Variants in SV2B observed in about 807,000 individuals in gnomAD.
SV2B encodes the protein solute carrier family 22 member B2.
A neutral mutation model predicts 73.9 loss-of-function variants in SV2B; 41 were observed. The observed-to-expected ratio is 0.56, with a 90% confidence interval of 0.43 to 0.72. The LOEUF (loss-of-function observed/expected upper bound fraction) is 0.72. Among genes scored for constraint, SV2B ranks in the 30% least tolerant of loss-of-function variants. The pLI is 0.00. For synonymous variants in SV2B, 314 were observed against 314.2 expected (o/e 1.00, Z 0.01); for missense variants, 764 against 857.8 (o/e 0.89, Z 1.37).
intron 9 of SV2B, among the ~76,000 whole-genome samples, chr15:91,272,828 CTTTTT>C (rs869274294): frequency 0.1 from 9,324 of 92,708 alleles, 392 homozygotes; most frequent in African/African-American, 0.14. Flanking sequence ...GCATATTCGT[CTTTTT>C]TTTTTTTTTT....
At chr15:91,193,191 A>G (rs2045108450) in intron 1 of SV2B, among the ~76,000 whole-genome samples, 1 of 152,134 alleles carries the variant, frequency 6.6e-6, no homozygotes, top group Admixed American at 6.5e-5. Context: ...TGGCAGCAAG[A>G]CGTAAGGGAG....
intron 1 of SV2B, among the ~76,000 whole-genome samples, chr15:91,174,646 C>A (rs535934705): frequency 6.6e-6 from 1 of 152,186 alleles, no homozygotes; most frequent in Non-Finnish European, 1.5e-5. Context: ...TCTGGAGAAG[C>A]GCCCATGGAG....
Position 91,261,310 on chromosome 15 carries a change from A to G in SV2B, c.1008+901A>G, listed in dbSNP as rs562793526. Among the ~76,000 whole-genome samples the G allele has an allele frequency of 6.6e-6, 1 of 152,282 alleles. No homozygotes were observed. Among genetic ancestry groups the G allele is most frequent in the East Asian group, 1.9e-4 (1 of 5,186 alleles). ...AACAGATTTCTCTGGGGATAAGCAT[A>G]TGTATGTATATTTATGTGTACATAT... On this transcript the variant is annotated intron_variant, in intron 6 of 12. Coordinates refer to ENST00000394232, the MANE Select transcript of SV2B (RefSeq NM_001323032.3). This position sits in a 1 kb window ranked among gnomAD's most constrained non-coding sequence, Gnocchi z 4.7.
At chr15:91,170,631 T>A (rs2044089893) in intron 1 of SV2B, among the ~76,000 whole-genome samples, 1 of 152,214 alleles carries the variant, frequency 6.6e-6, no homozygotes, top group Non-Finnish European at 1.5e-5. Flanking sequence ...TATACAAACT[T>A]GGTTTAAAAA....
rs747174042 is a variant in SV2B, at chr15:91,193,672, A to G, written c.-391-32201A>G. Among the ~76,000 whole-genome samples, 92 of 152,322 alleles carry G rather than the reference A, an allele frequency of 6.0e-4. 1 individual carries two copies. The highest frequency in any genetic ancestry group is 6.8e-3 in the Middle Eastern group (2 of 294). ...GCTTTCATCTTCTCAAAGTTGTCTC[A>G]TATTCTCATTCTAGAAAGCACTCAG... On this transcript the variant is annotated intron_variant, in intron 1 of 12. Coordinates refer to ENST00000394232, the MANE Select transcript of SV2B (RefSeq NM_001323032.3).
rs2141438245 is a variant in SV2B at position 91,214,395 on chromosome 15, C to A, written c.-391-11478C>A. The stretch of plus-strand genomic sequence containing the variant: ...CATATCTGTGTGTGTGTTTATATAA[C>A]AATAGCTATTTTTATTGAGCTCTTT... On this transcript the variant is annotated intron_variant, in intron 1 of 12. Transcript: ENST00000394232. The surrounding 1 kb of genome is among the most constrained non-coding windows in gnomAD (Gnocchi z 4.7). Among the ~76,000 whole-genome samples the A allele has an allele frequency of 6.6e-6, 1 of 152,278 alleles. No homozygotes were observed. The highest frequency in any genetic ancestry group is 3.4e-3 in the Middle Eastern group (1 of 294).
rs1207753065 is a variant in SV2B at position 91,253,787 on chromosome 15, T to A, written c.784+1267T>A. ...CCGCTCACATTCCAGTGGCCCCCAA[T>A]CTGTAACATGCCCACACTCTTCTGC... On this transcript the variant is annotated intron_variant, in intron 4 of 12. Coordinates refer to ENST00000394232, the MANE Select transcript of SV2B (RefSeq NM_001323032.3). This position sits in a 1 kb window ranked among gnomAD's most constrained non-coding sequence, Gnocchi z 5.0. 6.6e-6 allele frequency among the ~76,000 whole-genome samples: 1 copy of A among 152,166 alleles called. No homozygotes were observed. Among genetic ancestry groups the A allele is most frequent in the Non-Finnish European group, 1.5e-5 (1 of 68,030 alleles).
rs767147413 is a variant in SV2B, at chr15:91,220,705, T to G, written c.-391-5168T>G. Among the ~76,000 whole-genome samples, 5 of 152,118 alleles carry G rather than the reference T, an allele frequency of 3.3e-5. No homozygotes were observed. The highest frequency in any genetic ancestry group is 5.9e-5 in the Non-Finnish European group (4 of 68,026). On this transcript the variant is annotated intron_variant, in intron 1 of 12. Coordinates refer to ENST00000394232, the MANE Select transcript of SV2B (RefSeq NM_001323032.3). The surrounding 1 kb of genome is among the most constrained non-coding windows in gnomAD (Gnocchi z 4.1). ...GTTGTTTTTAGGAGTAACTCAATAT[T>G]TGTTTGTTTTTCTCTGTATGTGGTT...
At chr15:91,165,262 T>C (rs1390828740) in intron 1 of SV2B, among the ~76,000 whole-genome samples, 1 of 152,090 alleles carries the variant, frequency 6.6e-6, no homozygotes, top group African/African-American at 2.4e-5. Context: ...ACCCAGGTGG[T>C]AGAGGTTGCA....
intron 1 of SV2B, among the ~76,000 whole-genome samples, chr15:91,142,545 A>G (rs2043027353): frequency 1.3e-5 from 2 of 152,238 alleles, no homozygotes; most frequent in Non-Finnish European, 2.9e-5. Context: ...AAGAAATGAT[A>G]AGATCCTATG....
chr15:91,184,545 A>G (rs2044702297), intron 1 of SV2B, among the ~76,000 whole-genome samples: 1 of 152,142 alleles, frequency 6.6e-6, no homozygotes, highest in Non-Finnish European at 1.5e-5. Flanking sequence ...CTGCCATTGG[A>G]GCCTCTGCTG....
chr15:91,103,146 G>A (rs766983908), intron 1 of SV2B, among the ~76,000 whole-genome samples: 17 of 152,220 alleles, frequency 1.1e-4, no homozygotes, highest in Non-Finnish European at 2.4e-4. Context: ...TTAGAAGAAG[G>A]TTGGTTGGTA....
At chr15:91,217,426 G>C (rs1048777567) in intron 1 of SV2B, among the ~76,000 whole-genome samples, 2 of 152,156 alleles carry the variant, frequency 1.3e-5, no homozygotes. Context: ...CGTTTGGGGG[G>C]AGGGGGAAGG....
chr15:91,268,299 T>C lies in SV2B; in HGVS notation c.1209-142T>C. On this transcript the variant is annotated intron_variant, in intron 8 of 12. Coordinates refer to ENST00000394232, the MANE Select transcript of SV2B (RefSeq NM_001323032.3). The surrounding 1 kb of genome is among the most constrained non-coding windows in gnomAD (Gnocchi z 4.4). ...CCCCTTGTATTTATTAATATGAGGA[T>C]TTATATTGTCAGATTTTCTAATAAT... The C allele has an allele frequency of 1.2e-6, 1 of 845,880 alleles. No homozygotes were observed. Among genetic ancestry groups the C allele is most frequent in the Non-Finnish European group, 1.8e-6 (1 of 564,874 alleles). 52.4% of individuals were successfully genotyped at this position (845,880 alleles called of 1,614,324 possible).
chr15:91,259,073 G>A (rs1016779300), intron 5 of SV2B, among the ~76,000 whole-genome samples: 8 of 151,826 alleles, frequency 5.3e-5, no homozygotes, highest in African/African-American at 1.9e-4. Context: ...TCCAGTCTGG[G>A]TAACAAAGAG....
At chr15:91,188,100 A>G (rs997569010) in intron 1 of SV2B, among the ~76,000 whole-genome samples, 21 of 151,872 alleles carry the variant, frequency 1.4e-4, no homozygotes, top group African/African-American at 5.1e-4. Flanking sequence ...AAGTTTTTCT[A>G]TAGTCATCTT....
intron 1 of SV2B, among the ~76,000 whole-genome samples, chr15:91,166,818 C>CTT (rs758428764): frequency 7.2e-6 from 1 of 139,138 alleles, no homozygotes. Context: ...GTTTTCTTTT[C>CTT]TTTTTTTTTT....
chr15:91,264,973 A>G (rs1402410821), intron 6 of SV2B, among the ~76,000 whole-genome samples: 1 of 152,170 alleles, frequency 6.6e-6, no homozygotes, highest in Non-Finnish European at 1.5e-5. Context: ...CTTGATGATT[A>G]TATTAATGAT....
rs1279335717 is a variant in SV2B at position 91,295,658 on chromosome 15, C to A, written c.*3106C>A. 6.6e-6 allele frequency: 1 copy of A among 152,222 alleles called. No individual in the cohort carries two copies. The highest frequency in any genetic ancestry group is 2.4e-5 in the African/African-American group (1 of 41,460). 9.4% of individuals were successfully genotyped at this position (152,222 alleles called of 1,614,324 possible). ...GAAGCCTGCAGTTTGGGGAATGGGA[C>A]AATGTGACAAATACTCGCCATTCCC... On this transcript the variant is annotated 3_prime_UTR_variant, in exon 13 of 13. Coordinates refer to ENST00000394232, the MANE Select transcript of SV2B (RefSeq NM_001323032.3).
Sources: gnomAD v4.1 joint callset for allele counts (sites outside exome capture counted in the v4.1 genomes callset) on GRCh38, gnomAD v4.1.1 for gene constraint, Gnocchi (gnomAD v3.1) non-coding constraint, MANE v1.5 for transcripts, NCBI Gene and HGNC (gene_info 2026-07-23, HGNC 2026-07-21) for gene names.